PSG8: variants seen among roughly 807,000 people sequenced by gnomAD.
The protein encoded by PSG8 is pregnancy-specific beta-1-glycoprotein 8.
A neutral mutation model predicts 42.5 loss-of-function variants in PSG8; 57 were observed. That is an observed-to-expected ratio of 1.34 (90% CI 1.08 to 1.67). PSG8 has a LOEUF of 1.67. PSG8 is among the 40% of genes most tolerant of loss of function. The pLI, the probability that PSG8 is intolerant of heterozygous loss-of-function variation, is 0.00. For synonymous variants in PSG8, 280 were observed against 196.8 expected (o/e 1.42, Z -3.54); for missense variants, 783 against 518.6 (o/e 1.51, Z -4.95).
Position 42,765,504 on chromosome 19 carries a change from G to A in PSG8, c.64+14C>T, listed in dbSNP as rs776973571. 106 of 1,609,924 alleles carry A rather than the reference G, an allele frequency of 6.6e-5. 1 individual carries two copies. The highest frequency in any genetic ancestry group is 2.6e-4 in the South Asian group (24 of 91,036). On this transcript the variant is annotated intron_variant, in intron 1 of 4. Transcript: ENST00000306511. ...TTCCTCCTCCTGTCCTCTCCCAGGA[G>A]GTTCTCTCCTCACCTGTGAGCAGGA...
chr19:42,756,008 A>G (rs1379812304), intron 3 of PSG8: 1 of 152,842 alleles, frequency 6.5e-6, no homozygotes, highest in Non-Finnish European at 1.5e-5. Context: ...CCTGCGTTCA[A>G]GTTTCCTCTC....
intron 3 of PSG8, among the ~76,000 whole-genome samples, chr19:42,757,157 C>G (rs993637193): frequency 1.3e-5 from 2 of 151,966 alleles, no homozygotes; most frequent in African/African-American, 2.4e-5. Flanking sequence ...AGTGTATAGT[C>G]TAAAGAATGA....
chr19:42,757,950 C>G, intron 3 of PSG8, 52 bp downstream of exon 3: 2 of 1,613,872 alleles, frequency 1.2e-6, no homozygotes, highest in African/African-American at 2.7e-5. Flanking sequence ...GGTCTCTGGC[C>G]ACGTGTATTT....
At chr19:42,761,060 C>A (rs1442900875) in intron 2 of PSG8, among the ~76,000 whole-genome samples, 2 of 151,310 alleles carry the variant, frequency 1.3e-5, no homozygotes, top group African/African-American at 4.9e-5. Context: ...GCGAAATGAG[C>A]CCATGGGCTT....
In PSG8 at chr19:42,757,358, C is replaced by G. The variant is rs899546295; in HGVS notation, c.709+644G>C. Among the ~76,000 whole-genome samples the G allele has an allele frequency of 1.1e-4, 16 of 152,010 alleles. 1 individual carries two copies. The highest frequency in any genetic ancestry group is 1.3e-4 in the Non-Finnish European group (9 of 67,990). On this transcript the variant is annotated intron_variant, in intron 3 of 4. Transcript: ENST00000306511. ...TCCACTTACCAGGGACTATGATCCT[C>G]TTGATTATGAGATTTGTTCCAGCAG...
intron 2 of PSG8, among the ~76,000 whole-genome samples, chr19:42,763,056 A>C (rs1443272997): frequency 6.6e-6 from 1 of 152,160 alleles, no homozygotes. Context: ...TTTTCATGCT[A>C]TCTGTGAATA....
In PSG8 at chr19:42,763,974, G is replaced by T. The variant is rs138900265; in HGVS notation, c.372C>A (p.Ile124=). 9.9e-6 allele frequency: 16 copies of T among 1,611,944 alleles called. No homozygotes were observed. In the African/African-American group the frequency reaches 1.9e-4, roughly 19 times the overall value. The change falls in exon 2 of 5, where the codon ATC becomes ATA. Residue 124 remains isoleucine (I), a synonymous_variant. Coordinates refer to ENST00000306511, the MANE Select transcript of PSG8 (RefSeq NM_182707.3). ...QEDAGSYTLH[I]IMGGDENRGV... ...CTCTATTCTCATCACCTCCCATTAT[G>T]ATGTGTAAGGTGTAGGATCCTGCGT...
intron 3 of PSG8, among the ~76,000 whole-genome samples, chr19:42,757,532 C>A (rs1437463183): frequency 6.6e-6 from 1 of 152,054 alleles, no homozygotes; most frequent in Non-Finnish European, 1.5e-5. Context: ...GGCAGGAGAG[C>A]TTGGGGACTT....
rs768915559 is a variant in PSG8 at position 42,764,145 on chromosome 19, C to A, written c.201G>T (p.Trp67Cys). 1.9e-6 allele frequency: 3 copies of A among 1,613,666 alleles called. No individual in the cohort carries two copies. The highest frequency in any genetic ancestry group is 1.7e-6 in the Non-Finnish European group (2 of 1,179,880). Residue 67 changes from tryptophan to cysteine, a missense_variant, in exon 2 of 5, where the codon TGG becomes TGT. Coordinates refer to ENST00000306511, the MANE Select transcript of PSG8 (RefSeq NM_182707.3). ...NLPQNLTGYI[W>C]YKGQIRDLYH... ...AGAGGTCCCTGATTTGCCCTTTGTA[C>A]CAGATGTAGCCAGTAAGATTCTGGG...
At chr19:42,757,265 G>A (rs1489036624) in intron 3 of PSG8, among the ~76,000 whole-genome samples, 1 of 151,994 alleles carries the variant, frequency 6.6e-6, no homozygotes, top group Non-Finnish European at 1.5e-5. Flanking sequence ...CCTTTGCAGA[G>A]GGCAGGTGGC....
Position 42,764,003 on chromosome 19 carries a change from C to G in PSG8, c.343G>C (p.Glu115Gln). ...ASLLIQNVTQ[E>Q]DAGSYTLHII... ...TGTAAGGTGTAGGATCCTGCGTCTT[C>G]CTGGGTGACATTCTGGATCAGCAGG... The change falls in exon 2 of 5, where the codon GAA becomes CAA. Residue 115 changes from glutamate to glutamine, a missense_variant. Transcript: ENST00000306511. 6.2e-7 allele frequency: 1 copy of G among 1,613,626 alleles called. No individual in the cohort carries two copies.
intron 2 of PSG8, among the ~76,000 whole-genome samples, chr19:42,762,574 G>C (rs891298368): frequency 1.3e-5 from 2 of 152,002 alleles, no homozygotes; most frequent in African/African-American, 2.4e-5. Flanking sequence ...GTGTGTGTCT[G>C]TCTCGCTGGG....
At chr19:42,754,785 A>T in intron 4 of PSG8, 198 bp from the exon 5 acceptor site, 2 of 1,427,130 alleles carry the variant, frequency 1.4e-6, no homozygotes, top group Non-Finnish European at 1.9e-6. Flanking sequence ...CAAGTCTCCC[A>T]TGACAAGAGC....
At position 42,758,186 on chromosome 19, in the gene PSG8, G is replaced by T. The variant is rs143424985; in HGVS notation, c.525C>A (p.Asp175Glu). 24 of 1,613,896 alleles carry T rather than the reference G, an allele frequency of 1.5e-5. No individual in the cohort carries two copies. The African/African-American group carries it at 2.5e-4, about 17-fold the overall frequency. Residue 175 changes from aspartate (D) to glutamate (E), a missense_variant, in exon 3 of 5, where the codon GAC becomes GAA. Transcript: ENST00000306511. Reference sequence around the variant, plus strand: ...CATTCATCCACCACAGGTAGCTTGCGTCCGGAGTCTCAGGATCACAGGTTA... The same window carrying T: ...CATTCATCCACCACAGGTAGCTTGCTTCCGGAGTCTCAGGATCACAGGTTA... ...VSLTCDPETP[D>E]ASYLWWMNGQ...
chr19:42,753,648 G>C (rs1272175099), downstream of PSG8, among the ~76,000 whole-genome samples: 1 of 152,158 alleles, frequency 6.6e-6, no homozygotes, highest in African/African-American at 2.4e-5. Flanking sequence ...TAAGGAATCT[G>C]AGATTAAACT....
At chr19:42,756,726 G>T (rs969633072) in intron 3 of PSG8, among the ~76,000 whole-genome samples, 6 of 152,116 alleles carry the variant, frequency 3.9e-5, no homozygotes, top group Admixed American at 3.9e-4. Context: ...GGGATGTGAA[G>T]CCTTTGAAGG....
At chr19:42,757,952 C>T (rs368027808) in intron 3 of PSG8, 50 bp downstream of exon 3, 74 of 1,613,762 alleles carry the variant, frequency 4.6e-5, no homozygotes, top group South Asian at 1.6e-4. Context: ...TCTCTGGCCA[C>T]GTGTATTTGG....
At chr19:42,764,412 A>G (rs1970163036) in intron 1 of PSG8, 131 bp from the exon 2 acceptor site, 11 of 1,416,818 alleles carry the variant, frequency 7.8e-6, no homozygotes, top group African/African-American at 1.4e-5. Context: ...ATACAAACAC[A>G]CGCACACACA....
downstream of PSG8, chr19:42,752,721 G>A (rs934057092): frequency 6.1e-6 from 1 of 163,466 alleles, no homozygotes; most frequent in Admixed American, 5.7e-5. Flanking sequence ...TATTCTGCTA[G>A]AATCAGTATT....
Sources: allele counts gnomAD v4.1 joint callset (sites outside exome capture counted in the v4.1 genomes callset), GRCh38; gene constraint gnomAD v4.1.1; transcripts MANE v1.5; gene names NCBI Gene and HGNC (gene_info 2026-07-23, HGNC 2026-07-21).